The following PLXDC2 variants were observed in gnomAD, a reference collection of about 807,000 sequenced individuals.
PLXDC2 encodes the protein plexin domain-containing protein 2.
In PLXDC2, 40 loss-of-function variants were observed where a neutral mutation model predicts 68.9. That is an observed-to-expected ratio of 0.58 (90% CI 0.45 to 0.76). PLXDC2 has a LOEUF of 0.76. Among genes scored for constraint, PLXDC2 ranks in the 30% least tolerant of loss-of-function variants. The pLI is 0.00. For synonymous variants in PLXDC2, 243 were observed against 234.2 expected (o/e 1.04, Z -0.34); for missense variants, 644 against 661.9 (o/e 0.97, Z 0.30).
rs1055876891 is a variant in PLXDC2 at position 20,282,524 on chromosome 10, G to A, written c.*2705G>A. On this transcript the variant is annotated 3_prime_UTR_variant, in exon 14 of 14. Coordinates refer to ENST00000377252, the MANE Select transcript of PLXDC2 (RefSeq NM_032812.9). ...GCTACAGAGGAATTTAGTTATTTCAGCTTAATTATTTGTAAAAATAATAAT... is the reference window on the plus strand; with the variant it reads ...GCTACAGAGGAATTTAGTTATTTCAACTTAATTATTTGTAAAAATAATAAT... 6.6e-6 allele frequency: 1 copy of A among 152,126 alleles called. No individual in the cohort carries two copies. Among genetic ancestry groups the A allele is most frequent in the African/African-American group, 2.4e-5 (1 of 41,432 alleles). The allele number at this position is 152,126 out of a possible 1,614,324, so 9.4% of individuals were successfully genotyped here.
At chr10:19,854,103 A>G (rs1029947570) in intron 1 of PLXDC2, among the ~76,000 whole-genome samples, 1 of 152,154 alleles carries the variant, frequency 6.6e-6, no homozygotes, top group African/African-American at 2.4e-5. Flanking sequence ...CAAGGCTATC[A>G]CAGCCACAAC....
At chr10:19,997,689 G>A (rs1230799164) in intron 1 of PLXDC2, among the ~76,000 whole-genome samples, 2 of 152,058 alleles carry the variant, frequency 1.3e-5, no homozygotes, top group Non-Finnish European at 1.5e-5. Flanking sequence ...TATTATATTA[G>A]AGTATGTGAT....
At chr10:20,227,736 C>T (rs1467889733) in intron 12 of PLXDC2, among the ~76,000 whole-genome samples, 1 of 152,034 alleles carries the variant, frequency 6.6e-6, no homozygotes. Context: ...AGTGTCAGGA[C>T]ACATTTTACA....
At chr10:19,831,435 T>C (rs1464847758) in intron 1 of PLXDC2, among the ~76,000 whole-genome samples, 8 of 152,176 alleles carry the variant, frequency 5.3e-5, no homozygotes, top group African/African-American at 1.4e-4. Context: ...TTTTTTGTTT[T>C]TTTAACTTTT....
chr10:19,838,355 A>C (rs1836838777), intron 1 of PLXDC2, among the ~76,000 whole-genome samples: 1 of 152,220 alleles, frequency 6.6e-6, no homozygotes, highest in South Asian at 2.1e-4. Flanking sequence ...TACGTATAAA[A>C]GACTGAAAAC....
intron 4 of PLXDC2, among the ~76,000 whole-genome samples, chr10:20,140,687 G>C (rs1226961943): frequency 6.6e-6 from 1 of 151,968 alleles, no homozygotes; most frequent in African/African-American, 2.4e-5. Context: ...ACTAGGTAAA[G>C]CCTATCATTA....
At chr10:20,142,897 A>G (rs1345279363) in intron 4 of PLXDC2, among the ~76,000 whole-genome samples, 1 of 152,080 alleles carries the variant, frequency 6.6e-6, no homozygotes, top group East Asian at 1.9e-4. Flanking sequence ...ATACCATGAA[A>G]ATGAATTCAC....
intron 4 of PLXDC2, among the ~76,000 whole-genome samples, chr10:20,123,591 GA>G (rs1170919546): frequency 6.6e-6 from 1 of 151,980 alleles, no homozygotes; most frequent in African/African-American, 2.4e-5. Context: ...AAGTTCTTAA[GA>G]ACACAGGCTA....
Position 20,279,964 on chromosome 10 carries a change from G to A in PLXDC2, c.*145G>A, listed in dbSNP as rs998713009. The A allele has an allele frequency of 4.6e-6, 3 of 649,348 alleles. No homozygotes were observed. The highest frequency in any genetic ancestry group is 8.1e-6 in the Non-Finnish European group (3 of 371,930). 40.2% of individuals were successfully genotyped at this position (649,348 alleles called of 1,614,324 possible). Reference sequence around the variant, plus strand: ...TGAAGAAGACAAGATTTCTGGACAAGCTCAGCCCAGGAAACAAAGGGTAAA... The same window carrying A: ...TGAAGAAGACAAGATTTCTGGACAAACTCAGCCCAGGAAACAAAGGGTAAA... On this transcript the variant is annotated 3_prime_UTR_variant, in exon 14 of 14. Transcript: ENST00000377252.
At chr10:20,160,475 G>T (rs1393995817) in intron 6 of PLXDC2, among the ~76,000 whole-genome samples, 1 of 152,022 alleles carries the variant, frequency 6.6e-6, no homozygotes, top group Non-Finnish European at 1.5e-5. Context: ...CAATTTACTT[G>T]TTGAAGCTTG....
intron 9 of PLXDC2, among the ~76,000 whole-genome samples, chr10:20,194,190 C>CTGTGTGTGTGTGTGTGTGTGTGTGTGTG: frequency 7.0e-6 from 1 of 143,738 alleles, no homozygotes; most frequent in South Asian, 2.3e-4. Flanking sequence ...TTGAACTCAG[C>CTGTGTGTGTGTGTGTGTGTGTGTGTGTG]TGTGTGTGTG....
chr10:19,865,889 A>G (rs1310370656), intron 1 of PLXDC2, among the ~76,000 whole-genome samples: 1 of 152,020 alleles, frequency 6.6e-6, no homozygotes, highest in African/African-American at 2.4e-5. Flanking sequence ...TCCTCCCTCA[A>G]TTTCCTAACA....
intron 2 of PLXDC2, among the ~76,000 whole-genome samples, chr10:20,040,463 A>T (rs77956866): frequency 0.021 from 3,173 of 152,230 alleles, 105 homozygotes; most frequent in African/African-American, 0.071. Flanking sequence ...ACGTGTTTCT[A>T]CTTTCATGAA....
chr10:20,118,126 A>C (rs934041404), intron 4 of PLXDC2, among the ~76,000 whole-genome samples: 79 of 144,026 alleles, frequency 5.5e-4, no homozygotes, highest in African/African-American at 1.8e-3. Context: ...ACACACACAC[A>C]CACACACACA....
At chr10:19,992,717 G>T (rs1589574563) in intron 1 of PLXDC2, among the ~76,000 whole-genome samples, 1 of 152,108 alleles carries the variant, frequency 6.6e-6, no homozygotes, top group African/African-American at 2.4e-5. Context: ...CAATATTACT[G>T]TAGTATTACT....
At chr10:20,005,650 G>T (rs936885002) in intron 2 of PLXDC2, among the ~76,000 whole-genome samples, 7 of 152,044 alleles carry the variant, frequency 4.6e-5, no homozygotes, top group Admixed American at 2.6e-4. Context: ...CGTGTCACAT[G>T]ATGAGAGCAG....
intron 1 of PLXDC2, among the ~76,000 whole-genome samples, chr10:19,997,242 A>G (rs1834858968): frequency 6.6e-6 from 1 of 152,250 alleles, no homozygotes; most frequent in Non-Finnish European, 1.5e-5. Context: ...ACCTAAAGAT[A>G]TAACTATTTT....
intron 12 of PLXDC2, among the ~76,000 whole-genome samples, chr10:20,229,025 C>CCA (rs1474024202): frequency 6.6e-6 from 1 of 152,068 alleles, no homozygotes; most frequent in Non-Finnish European, 1.5e-5. Flanking sequence ...GGACAGACTG[C>CCA]TTTTTCAAGA....
At chr10:19,844,344 G>A (rs920192179) in intron 1 of PLXDC2, among the ~76,000 whole-genome samples, 8 of 152,178 alleles carry the variant, frequency 5.3e-5, no homozygotes, top group African/African-American at 1.2e-4. Flanking sequence ...AAATGACTAA[G>A]TAACCAAAAA....
Sources: allele counts gnomAD v4.1 joint callset (sites outside exome capture counted in the v4.1 genomes callset), GRCh38; gene constraint gnomAD v4.1.1; transcripts MANE v1.5; gene names NCBI Gene and HGNC (gene_info 2026-07-23, HGNC 2026-07-21).